Variants in DLC1 observed in about 807,000 individuals in gnomAD.
DLC1 encodes rho GTPase-activating protein 7.
DLC1 carries 54 observed loss-of-function variants against 140.3 expected under a neutral mutation model. The observed-to-expected ratio is 0.38, with a 90% CI of 0.31 to 0.48. DLC1 has a LOEUF of 0.48. Among genes scored for constraint, DLC1 ranks in the 20% least tolerant of loss-of-function variants. The pLI is 0.96. For synonymous variants in DLC1, 986 were observed against 728.1 expected, an observed-to-expected ratio of 1.35 and a Z score of -5.70; for missense variants, 2,536 against 1,907.0, an observed-to-expected ratio of 1.33 and a Z score of -6.14.
At chr8:13,406,556 G>A (rs896327325) in intron 2 of DLC1, among the ~76,000 whole-genome samples, 1 of 152,130 alleles carries the variant, frequency 6.6e-6, no homozygotes, top group African/African-American at 2.4e-5. Flanking sequence ...TTTCAAGAAT[G>A]ATGTGGTGCC....
chr8:13,267,701 G>A (rs758931571), intron 5 of DLC1, among the ~76,000 whole-genome samples: 20 of 149,130 alleles, frequency 1.3e-4, no homozygotes, highest in African/African-American at 4.2e-4. Flanking sequence ...ATAAAGAAAA[G>A]TTCTTTGAAG....
chr8:13,373,269 T>C (rs916924517), intron 4 of DLC1, among the ~76,000 whole-genome samples: 4 of 152,230 alleles, frequency 2.6e-5, no homozygotes, highest in Admixed American at 2.0e-4. Context: ...CATTCATTAG[T>C]GTCATTTTGA....
chr8:13,190,463 C>T (rs1826683984), intron 5 of DLC1, among the ~76,000 whole-genome samples: 1 of 152,180 alleles, frequency 6.6e-6, no homozygotes, highest in Non-Finnish European at 1.5e-5. Context: ...CTCTCTCTCT[C>T]TTTCTGGACC....
At chr8:13,574,842 G>T (rs1804781092) in intron 1 of DLC1, among the ~76,000 whole-genome samples, 1 of 152,122 alleles carries the variant, frequency 6.6e-6, no homozygotes, top group Non-Finnish European at 1.5e-5. Flanking sequence ...CTGGGACCCA[G>T]CTTAGAATAC....
At chr8:13,278,346 T>C (rs1831248670) in intron 5 of DLC1, among the ~76,000 whole-genome samples, 1 of 152,338 alleles carries the variant, frequency 6.6e-6, no homozygotes, top group Middle Eastern at 3.4e-3. Context: ...TCTGGGCACC[T>C]TGAAGCGTGT....
chr8:13,090,160 CA>C, intron 15 of DLC1, 91 bp downstream of exon 15: 2 of 1,256,226 alleles, frequency 1.6e-6, no homozygotes, highest in South Asian at 2.9e-5. Context: ...TACAGATCCC[CA>C]GACAGATTAG....
intron 5 of DLC1, among the ~76,000 whole-genome samples, chr8:13,169,169 A>C (rs1222539616): frequency 6.6e-6 from 1 of 152,220 alleles, no homozygotes; most frequent in Non-Finnish European, 1.5e-5. Flanking sequence ...AACTTACTCA[A>C]CATTACTCAT....
chr8:13,095,584 C>G (rs1482020625), intron 10 of DLC1: 1 of 247,996 alleles, frequency 4.0e-6, no homozygotes, highest in Non-Finnish European at 8.0e-6. Flanking sequence ...GTCCTTCCAC[C>G]TTGAACCTGG....
chr8:13,304,541 G>A (rs544428768), intron 5 of DLC1: 46 of 461,524 alleles, frequency 1.0e-4, no homozygotes, highest in African/African-American at 9.3e-4. Flanking sequence ...TTTTCTCTAA[G>A]GTGAGACTAT....
chr8:13,431,340 G>A (rs956081882), intron 2 of DLC1, among the ~76,000 whole-genome samples: 4 of 151,694 alleles, frequency 2.6e-5, no homozygotes, highest in Admixed American at 1.3e-4. Context: ...AAAATTAGCC[G>A]GGCGAGGTGA....
At chr8:13,411,874 T>G (rs930871725) in intron 2 of DLC1, among the ~76,000 whole-genome samples, 1 of 152,158 alleles carries the variant, frequency 6.6e-6, no homozygotes, top group Admixed American at 6.5e-5. Context: ...TTTTTAGTGT[T>G]TTAGGTAAAT....
chr8:13,441,256 T>C (rs1798497496), intron 2 of DLC1, among the ~76,000 whole-genome samples: 1 of 152,212 alleles, frequency 6.6e-6, no homozygotes. Flanking sequence ...AATATTATAC[T>C]GCATGGGCAA....
intron 2 of DLC1, among the ~76,000 whole-genome samples, chr8:13,413,296 A>T (rs28642075): frequency 8.5e-6 from 1 of 117,822 alleles, no homozygotes; most frequent in Non-Finnish European, 1.7e-5. Flanking sequence ...AACTATCGTT[A>T]GTGTTAGTGT....
intron 2 of DLC1, among the ~76,000 whole-genome samples, chr8:13,421,520 G>T (rs922754819): frequency 6.6e-6 from 1 of 152,162 alleles, no homozygotes; most frequent in African/African-American, 2.4e-5. Context: ...AGCATAAACA[G>T]CTATGAGGAC....
intron 1 of DLC1, among the ~76,000 whole-genome samples, chr8:13,511,268 A>G (rs1266520845): frequency 2.0e-5 from 3 of 151,890 alleles, no homozygotes; most frequent in African/African-American, 4.8e-5. Context: ...TTTTCCACCC[A>G]TTTATCTCAA....
intron 1 of DLC1, among the ~76,000 whole-genome samples, chr8:13,582,077 T>G (rs1805121051): frequency 6.6e-6 from 1 of 152,156 alleles, no homozygotes; most frequent in South Asian, 2.1e-4. Context: ...CCACTCTCCC[T>G]AGAGAATAAT....
At chr8:13,127,509 A>T (rs1328707490) in intron 5 of DLC1, among the ~76,000 whole-genome samples, 1 of 152,210 alleles carries the variant, frequency 6.6e-6, no homozygotes, top group Non-Finnish European at 1.5e-5. Context: ...AACTGTATGG[A>T]GATTGGATCC....
intron 5 of DLC1, among the ~76,000 whole-genome samples, chr8:13,291,985 T>A (rs1160665783): frequency 3.9e-5 from 1 of 25,720 alleles, no homozygotes; most frequent in Admixed American, 6.7e-4. Context: ...AATGCAATGT[T>A]TTCTTTTTTT....
At position 13,094,863 on chromosome 8, in the gene DLC1, T is replaced by G; in HGVS notation, c.3422A>C (p.Gln1141Pro). ...CATGTCTGCCACGTCATAAGCAGACTGTCCTTCGTAGTTGACACAGTCTAT... is the reference window on the plus strand; with the variant it reads ...CATGTCTGCCACGTCATAAGCAGACGGTCCTTCGTAGTTGACACAGTCTAT... ...GAIDCVNYEGQSAYDVADMLK... is the reference protein window; with the variant it reads ...GAIDCVNYEGPSAYDVADMLK... The change falls in exon 12 of 18, where the codon CAG becomes CCG. Residue 1141 changes from glutamine to proline, a missense_variant. Transcript: ENST00000276297. 2 of 1,614,274 alleles carry G rather than the reference T, an allele frequency of 1.2e-6. No individual in the cohort carries two copies. Among genetic ancestry groups the G allele is most frequent in the Non-Finnish European group, 1.7e-6 (2 of 1,180,050 alleles).
Sources: allele counts gnomAD v4.1 joint callset (sites outside exome capture counted in the v4.1 genomes callset), GRCh38; gene constraint gnomAD v4.1.1; transcripts MANE v1.5; gene names NCBI Gene and HGNC (gene_info 2026-07-23, HGNC 2026-07-21).